The following INPP5A variants were observed in gnomAD, a reference collection of about 807,000 sequenced individuals.
The protein encoded by INPP5A is 43 kDa inositol polyphosphate 5-phophatase.
A neutral mutation model predicts 65.2 loss-of-function variants in INPP5A; 14 were observed. That is an observed-to-expected ratio of 0.21 (90% confidence interval 0.14 to 0.34). The LOEUF is 0.34. INPP5A is among the 10% of genes least tolerant of loss of function. INPP5A has a pLI of 1.00. For missense variants in INPP5A, 431 were observed against 545.6 expected (o/e 0.79, Z 2.09); for synonymous variants, 207 against 208.3 (o/e 0.99, Z 0.05).
intron 8 of INPP5A, among the ~76,000 whole-genome samples, chr10:132,721,027 G>C (rs189287304): frequency 6.7e-6 from 1 of 150,348 alleles, no homozygotes; most frequent in Non-Finnish European, 1.5e-5. Flanking sequence ...TCAGGGTTCT[G>C]TGGTACCTGG....
intron 4 of INPP5A, among the ~76,000 whole-genome samples, chr10:132,679,991 TA>T (rs2073021120): frequency 6.6e-6 from 1 of 152,146 alleles, no homozygotes; most frequent in Non-Finnish European, 1.5e-5. Flanking sequence ...CCTAAAACTA[TA>T]AAACTTTTAG....
chr10:132,635,545 G>A (rs1187779739), intron 2 of INPP5A, among the ~76,000 whole-genome samples: 4 of 151,356 alleles, frequency 2.6e-5, no homozygotes, highest in Admixed American at 6.6e-5. Flanking sequence ...ACAGGTGCCC[G>A]CCACCATGCC....
At chr10:132,601,890 C>T (rs539570718) in intron 1 of INPP5A, among the ~76,000 whole-genome samples, 39 of 152,326 alleles carry the variant, frequency 2.6e-4, no homozygotes, top group African/African-American at 9.1e-4. Flanking sequence ...GTAAGTTCCA[C>T]ATAAGGAATT....
At chr10:132,740,212 T>G (rs1846249348) in intron 9 of INPP5A, among the ~76,000 whole-genome samples, 1 of 152,202 alleles carries the variant, frequency 6.6e-6, no homozygotes, top group Admixed American at 6.5e-5. Flanking sequence ...AGCGTTTGAA[T>G]TATCTCTGCC....
intron 12 of INPP5A, among the ~76,000 whole-genome samples, chr10:132,774,872 AGGGAGGAGAGGCAGGGAG>A (rs1847021167): frequency 1.9e-5 from 1 of 52,828 alleles, no homozygotes; most frequent in African/African-American, 7.1e-5. Context: ...GAGGAGGGGC[AGGGAGGAGAGGCAGGGAG>A]GAGGGGCAGG....
intron 13 of INPP5A, among the ~76,000 whole-genome samples, chr10:132,779,413 G>A (rs745510823): frequency 6.1e-4 from 93 of 152,370 alleles, no homozygotes; most frequent in African/African-American, 2.1e-3. Flanking sequence ...GGAAAACGTC[G>A]GAGGTCACGC....
At position 132,727,274 on chromosome 10, in the gene INPP5A, A is replaced by C; in HGVS notation, c.732+369A>C. 1 of 186,096 alleles carries C rather than the reference A, an allele frequency of 5.4e-6. No individual in the cohort carries two copies. Among genetic ancestry groups the C allele is most frequent in the East Asian group, 1.4e-4 (1 of 7,354 alleles). The allele number at this position is 186,096 out of a possible 1,614,324, so 11.5% of individuals were successfully genotyped here. On this transcript the variant is annotated intron_variant, in intron 9 of 15. Coordinates refer to ENST00000368594, the MANE Select transcript of INPP5A (RefSeq NM_005539.5). This position sits in a 1 kb window ranked among gnomAD's most constrained non-coding sequence, Gnocchi z 6.5. ...CAGCTCCTTCACACTGTCCAACTTG[A>C]TCTCAGCGATTTTTTGTCATAACAC...
chr10:132,567,152 CCT>C (rs953519744), intron 1 of INPP5A, among the ~76,000 whole-genome samples: 3 of 152,198 alleles, frequency 2.0e-5, no homozygotes, highest in Non-Finnish European at 4.4e-5. Flanking sequence ...CAGTTCTTCC[CCT>C]GTCTCCATCC....
At chr10:132,775,198 G>A (rs1385278561) in intron 12 of INPP5A, among the ~76,000 whole-genome samples, 4 of 130,124 alleles carry the variant, frequency 3.1e-5, no homozygotes, top group African/African-American at 5.8e-5. Context: ...GGGAGGGGCA[G>A]GGAGGAGAGG....
chr10:132,759,151 C>A (rs1456376809), intron 11 of INPP5A, among the ~76,000 whole-genome samples: 1 of 152,214 alleles, frequency 6.6e-6, no homozygotes, highest in African/African-American at 2.4e-5. Flanking sequence ...GCCCAGGCCT[C>A]AGTGAGGCCA....
chr10:132,591,578 T>C (rs1367193842), intron 1 of INPP5A, among the ~76,000 whole-genome samples: 1 of 152,242 alleles, frequency 6.6e-6, no homozygotes, highest in African/African-American at 2.4e-5. Flanking sequence ...GTTACCTTTT[T>C]CCTTGTTGCA....
intron 12 of INPP5A, among the ~76,000 whole-genome samples, chr10:132,773,243 G>A (rs1846987650): frequency 6.6e-6 from 1 of 152,248 alleles, no homozygotes; most frequent in African/African-American, 2.4e-5. Context: ...ACGTTTCAAA[G>A]TTTTTATCAT....
chr10:132,739,153 C>T (rs1231780564), intron 9 of INPP5A, among the ~76,000 whole-genome samples: 1 of 152,244 alleles, frequency 6.6e-6, no homozygotes, highest in Non-Finnish European at 1.5e-5. Context: ...CTGGGATGGT[C>T]ATTCTCTGTG....
Position 132,538,186 on chromosome 10 carries a change from C to T in INPP5A, c.75+15C>T. 7.9e-7 allele frequency: 1 copy of T among 1,269,948 alleles called. No homozygotes were observed. The highest frequency in any genetic ancestry group is 1.0e-6 in the Non-Finnish European group (1 of 1,003,218). The allele number at this position is 1,269,948 out of a possible 1,614,324, so 78.7% of individuals were successfully genotyped here. A position where few individuals can be genotyped will look rare whatever the true frequency, so the allele number is the denominator to read the frequency against. ...TCTTCGACGACGTAAGTCCCCCGTG[C>T]CGGCGGCAGGCCCCAAGCCCGGAAC... is the stretch of plus-strand genomic sequence containing the variant. On this transcript the variant is annotated intron_variant, in intron 1 of 15. Transcript: ENST00000368594. The surrounding 1 kb of genome is among the most constrained non-coding windows in gnomAD (Gnocchi z 4.1).
chr10:132,763,620 C>T (rs1009439627), intron 11 of INPP5A, among the ~76,000 whole-genome samples: 10 of 150,776 alleles, frequency 6.6e-5, no homozygotes, highest in Admixed American at 5.3e-4. Context: ...CACACACATG[C>T]CTGTGCACAC....
chr10:132,781,994 C>G, intron 15 of INPP5A, 43 bp from the exon 16 acceptor site: 1 of 1,611,620 alleles, frequency 6.2e-7, no homozygotes, highest in South Asian at 1.1e-5. Context: ...GCAGCTTTTC[C>G]TGGTGCGTTT....
At chr10:132,565,794 T>C (rs1314573391) in intron 1 of INPP5A, among the ~76,000 whole-genome samples, 2 of 151,306 alleles carry the variant, frequency 1.3e-5, no homozygotes. Flanking sequence ...CGTGTGAGTA[T>C]GTGTGTGTGG....
chr10:132,715,304 A>G (rs1202003384), intron 8 of INPP5A, among the ~76,000 whole-genome samples: 2 of 152,186 alleles, frequency 1.3e-5, no homozygotes, highest in Non-Finnish European at 2.9e-5. Context: ...CAACTGTGAA[A>G]TCTCGGCATA....
At chr10:132,540,974 T>C (rs2070898991) in intron 1 of INPP5A, among the ~76,000 whole-genome samples, 1 of 152,136 alleles carries the variant, frequency 6.6e-6, no homozygotes, top group Non-Finnish European at 1.5e-5. Context: ...TCTCCCCTCT[T>C]AAGGCCCCTC....
Sources: allele counts gnomAD v4.1 joint callset (sites outside exome capture counted in the v4.1 genomes callset), GRCh38; gene constraint gnomAD v4.1.1; non-coding constraint Gnocchi (gnomAD v3.1); transcripts MANE v1.5; gene names NCBI Gene and HGNC (gene_info 2026-07-23, HGNC 2026-07-21).